Variants in PPM1H observed in about 807,000 individuals in gnomAD.
The protein encoded by PPM1H is protein phosphatase 1H.
PPM1H carries 27 observed loss-of-function variants against 54.9 expected under a neutral mutation model. That is an observed-to-expected ratio of 0.49 (90% confidence interval 0.36 to 0.68). The LOEUF is 0.68. Ranked by LOEUF, PPM1H falls within the 30% of genes least tolerant of loss-of-function variation. The pLI is 0.00. For missense variants in PPM1H, 596 were observed against 667.8 expected (o/e 0.89, Z 1.19); for synonymous variants, 305 against 270.8 (o/e 1.13, Z -1.24).
At chr12:62,886,419 C>G (rs750202305) in intron 1 of PPM1H, among the ~76,000 whole-genome samples, 13 of 152,038 alleles carry the variant, frequency 8.6e-5, no homozygotes, top group Non-Finnish European at 1.6e-4. Flanking sequence ...ACTGGATTAT[C>G]CGATTAAAAT....
At chr12:62,776,079 T>C (rs7297161) in intron 4 of PPM1H, among the ~76,000 whole-genome samples, 30,257 of 151,962 alleles carry the variant, frequency 0.2, 3,702 homozygotes, top group African/African-American at 0.34. Context: ...CTCTCTATCA[T>C]GAGAACAGCA....
At chr12:62,933,199 C>G (rs1355253358) in intron 1 of PPM1H, among the ~76,000 whole-genome samples, 1 of 152,188 alleles carries the variant, frequency 6.6e-6, no homozygotes, top group Non-Finnish European at 1.5e-5. Context: ...CTCCAATCGT[C>G]TAGCCCCATT....
intron 3 of PPM1H, among the ~76,000 whole-genome samples, chr12:62,801,566 A>G (rs2076769666): frequency 6.6e-6 from 1 of 152,128 alleles, no homozygotes; most frequent in South Asian, 2.1e-4. Flanking sequence ...TCGGCCTCCC[A>G]AAGTGCTGGG....
At chr12:62,653,198 A>G (rs561999057) in intron 9 of PPM1H, among the ~76,000 whole-genome samples, 2 of 152,380 alleles carry the variant, frequency 1.3e-5, no homozygotes, top group Admixed American at 6.5e-5. Flanking sequence ...CATAACAAAA[A>G]GGAGCTTTTT....
intron 6 of PPM1H, among the ~76,000 whole-genome samples, chr12:62,698,599 C>T (rs964077425): frequency 1.3e-5 from 2 of 151,816 alleles, no homozygotes; most frequent in African/African-American, 2.4e-5. Flanking sequence ...AAATGGTACC[C>T]GGAACTGAAA....
chr12:62,692,420 A>G (rs2076088273), intron 7 of PPM1H, among the ~76,000 whole-genome samples: 1 of 152,224 alleles, frequency 6.6e-6, no homozygotes, highest in South Asian at 2.1e-4. Context: ...TAAACTTCCA[A>G]GAATACATCA....
intron 8 of PPM1H, among the ~76,000 whole-genome samples, chr12:62,681,941 T>C (rs2076021039): frequency 6.6e-6 from 1 of 152,222 alleles, no homozygotes; most frequent in Admixed American, 6.5e-5. Flanking sequence ...TTCAGTTTTT[T>C]CCTTGGTTTC....
intron 1 of PPM1H, among the ~76,000 whole-genome samples, chr12:62,924,219 G>A (rs1871896690): frequency 6.6e-6 from 1 of 152,282 alleles, no homozygotes; most frequent in African/African-American, 2.4e-5. Flanking sequence ...AGAGTGGGGG[G>A]GGCAGTAGCC....
At chr12:62,877,875 G>T (rs1312769518) in intron 1 of PPM1H, among the ~76,000 whole-genome samples, 1 of 152,124 alleles carries the variant, frequency 6.6e-6, no homozygotes, top group Admixed American at 6.5e-5. Context: ...AAATAAAGAA[G>T]AAAGAGGTAA....
chr12:62,918,265 G>C (rs1248950990), intron 1 of PPM1H, among the ~76,000 whole-genome samples: 1 of 152,146 alleles, frequency 6.6e-6, no homozygotes, highest in Non-Finnish European at 1.5e-5. Context: ...CTACTCCTCT[G>C]TCATGCTGTG....
At chr12:62,929,615 C>CT (rs1455359961) in intron 1 of PPM1H, among the ~76,000 whole-genome samples, 2 of 152,194 alleles carry the variant, frequency 1.3e-5, no homozygotes, top group Non-Finnish European at 2.9e-5. Flanking sequence ...TAGTAAACAC[C>CT]CCCCTGCATG....
chr12:62,732,182 C>T (rs1013651325), intron 5 of PPM1H, among the ~76,000 whole-genome samples: 1 of 152,226 alleles, frequency 6.6e-6, no homozygotes, highest in African/African-American at 2.4e-5. Context: ...ACACCTGCCA[C>T]ATTCCGTGTG....
chr12:62,751,233 C>CTTG (rs915855848), intron 4 of PPM1H, among the ~76,000 whole-genome samples: 2 of 152,156 alleles, frequency 1.3e-5, no homozygotes, highest in African/African-American at 4.8e-5. Flanking sequence ...TGGTCACACC[C>CTTG]TTGTTTGATT....
intron 8 of PPM1H, among the ~76,000 whole-genome samples, chr12:62,685,503 T>A (rs1461310704): frequency 6.6e-6 from 1 of 152,188 alleles, no homozygotes. Flanking sequence ...CTGTATAACT[T>A]TGGGGGTTAT....
intron 1 of PPM1H, among the ~76,000 whole-genome samples, chr12:62,889,421 G>C (rs1289395188): frequency 6.6e-6 from 1 of 152,126 alleles, no homozygotes; most frequent in African/African-American, 2.4e-5. Flanking sequence ...TACTCACAAG[G>C]CTGAGGCGAG....
At chr12:62,842,899 A>C (rs1868808635) in intron 1 of PPM1H, among the ~76,000 whole-genome samples, 1 of 152,266 alleles carries the variant, frequency 6.6e-6, no homozygotes. Flanking sequence ...ATCCGCAAGT[A>C]GGTAACTGCA....
At chr12:62,754,734 A>G (rs1288232080) in intron 4 of PPM1H, among the ~76,000 whole-genome samples, 1 of 152,248 alleles carries the variant, frequency 6.6e-6, no homozygotes, top group East Asian at 1.9e-4. Flanking sequence ...ATGTTAAGCC[A>G]TAGTCTTTAC....
rs867892517 is a variant in PPM1H, at chr12:62,679,018, C to T, written c.1245+10681G>A. On this transcript the variant is annotated intron_variant, in intron 8 of 9. Transcript: ENST00000228705. ...CTCTTTGTTTTTTGAGACAGAGTCT[C>T]GCTCTGTCGCCAGGCTGGAATGCAG... Among the ~76,000 whole-genome samples the T allele has an allele frequency of 7.2e-5, 11 of 152,124 alleles. No individual in the cohort carries two copies. The South Asian group carries it at 1.0e-3, about 14-fold the overall frequency.
chr12:62,920,336 TTTG>T (rs1216298489), intron 1 of PPM1H, among the ~76,000 whole-genome samples: 2 of 152,204 alleles, frequency 1.3e-5, no homozygotes, highest in Non-Finnish European at 2.9e-5. Context: ...ATTGCTTTTT[TTTG>T]TTGTTGAGAC....
Sources: allele counts gnomAD v4.1 joint callset (sites outside exome capture counted in the v4.1 genomes callset), GRCh38; gene constraint gnomAD v4.1.1; transcripts MANE v1.5; gene names NCBI Gene and HGNC (gene_info 2026-07-23, HGNC 2026-07-21).